The following PPFIBP1 variants were observed in gnomAD, a reference collection of about 807,000 sequenced individuals.
PPFIBP1 encodes the protein liprin-beta-1.
A neutral mutation model predicts 137.8 loss-of-function variants in PPFIBP1; 112 were observed. The ratio of observed to expected loss-of-function variants is 0.81; its 90% CI spans 0.70 to 0.95. The LOEUF (loss-of-function observed/expected upper bound fraction) is 0.95. PPFIBP1 is among the 40% of genes least tolerant of loss of function. The pLI is 0.00. For synonymous variants in PPFIBP1, 378 were observed against 417.3 expected, an observed-to-expected ratio of 0.91 and a Z score of 1.15; for missense variants, 1,083 against 1,196.6, an observed-to-expected ratio of 0.91 and a Z score of 1.40.
At position 27,650,001 on chromosome 12, in the gene PPFIBP1, T is replaced by C. The variant is rs1332608231; in HGVS notation, c.472-9T>C. On this transcript the variant is annotated splice_polypyrimidine_tract_variant and intron_variant, in intron 6 of 29. Coordinates refer to ENST00000228425, the MANE Select transcript of PPFIBP1 (RefSeq NM_003622.4). ...AGACTTCTTGAATGTATCTGTTAAATTATAATAGGAGCTTCTAAGTAGGAC... is the reference window on the plus strand; with the variant it reads ...AGACTTCTTGAATGTATCTGTTAAACTATAATAGGAGCTTCTAAGTAGGAC... The C allele has an allele frequency of 2.5e-6, 4 of 1,595,098 alleles. No individual in the cohort carries two copies. Among genetic ancestry groups the C allele is most frequent in the Non-Finnish European group, 3.4e-6 (4 of 1,167,568 alleles).
chr12:27,658,677 A>C (rs1426614492), intron 9 of PPFIBP1, 139 bp from the exon 10 acceptor site: 2 of 846,948 alleles, frequency 2.4e-6, no homozygotes, highest in Non-Finnish European at 3.8e-6. Flanking sequence ...CTGCAGTCAC[A>C]AAATAGTGCT....
chr12:27,528,459 A>G (rs527412434), intron 1 of PPFIBP1, among the ~76,000 whole-genome samples: 1 of 152,318 alleles, frequency 6.6e-6, no homozygotes, highest in Non-Finnish European at 1.5e-5. Flanking sequence ...TTCCTAGTAA[A>G]AAACAAAACA....
intron 2 of PPFIBP1, among the ~76,000 whole-genome samples, chr12:27,624,370 A>C (rs1188620755): frequency 1.3e-5 from 2 of 152,250 alleles, no homozygotes; most frequent in Non-Finnish European, 2.9e-5. Flanking sequence ...CTTTCTTTCA[A>C]CTTGTCACAA....
chr12:27,687,448 C>T lies in PPFIBP1; in HGVS notation c.2311C>T (p.Gln771Ter). Residue 771 changes from glutamine to a stop codon, truncating the protein, a stop_gained, in exon 25 of 30, where the codon CAG (glutamine) becomes TAG (stop). Coordinates refer to ENST00000228425, the MANE Select transcript of PPFIBP1 (RefSeq NM_003622.4). LOFTEE classifies it high-confidence loss of function. The stretch of plus-strand genomic sequence containing the variant: ...CCATCTCAGTATCAAAAGGGCCATC[C>T]AGGTCCTGAGGATCAATAACTTTGA... Reference protein sequence around the residue: ...LHHLSIKRAIQVLRINNFEPN... With the variant: ...LHHLSIKRAI 22 of 1,614,012 alleles carry T rather than the reference C, an allele frequency of 1.4e-5. No individual in the cohort carries two copies. Among genetic ancestry groups the T allele is most frequent in the Non-Finnish European group, 1.9e-5 (22 of 1,179,910 alleles).
chr12:27,656,468 C>T lies in PPFIBP1; in HGVS notation c.697-148C>T, dbSNP rs112889371. ...GTCTTGCTTTTTGCTTTTCATTGCCCTTGTCTGATTTCTGATGCTTGCATC... is the reference window on the plus strand; with the variant it reads ...GTCTTGCTTTTTGCTTTTCATTGCCTTTGTCTGATTTCTGATGCTTGCATC... On this transcript the variant is annotated intron_variant, in intron 8 of 29. Coordinates refer to ENST00000228425, the MANE Select transcript of PPFIBP1 (RefSeq NM_003622.4). The T allele has an allele frequency of 1.9e-3, 1,172 of 623,206 alleles. 14 individuals are homozygous for T. The highest frequency in any genetic ancestry group is 0.01 in the African/African-American group (551 of 53,346). The allele number at this position is 623,206 out of a possible 1,614,324, so 38.6% of individuals were successfully genotyped here.
chr12:27,557,166 C>T (rs750121821), intron 1 of PPFIBP1, among the ~76,000 whole-genome samples: 5 of 151,136 alleles, frequency 3.3e-5, no homozygotes, highest in African/African-American at 4.9e-5. Context: ...TAGTGAAGAA[C>T]AAGATTTTCT....
intron 1 of PPFIBP1, among the ~76,000 whole-genome samples, chr12:27,564,049 T>C (rs1428749735): frequency 6.6e-6 from 1 of 152,028 alleles, no homozygotes; most frequent in African/African-American, 2.4e-5. Context: ...ATTTTTGTAT[T>C]TTTAGTAGAG....
rs1044296042 is a variant in PPFIBP1, at chr12:27,647,763, G to T, written c.392G>T (p.Gly131Val). ...SVLTDQVEAQ[G>V]EKIRDLEFCL... ...TTAACAGACCAGGTGGAGGCTCAGG[G>T]AGAGAAGATTCGAGATTTGGAGTTT... The change falls in exon 6 of 30, where the codon GGA (glycine) becomes GTA (valine). Residue 131 changes from glycine (G) to valine (V), a missense_variant. By Grantham distance (109) the Gly-to-Val change is moderately radical. Coordinates refer to ENST00000228425, the MANE Select transcript of PPFIBP1 (RefSeq NM_003622.4). 2 of 1,610,654 alleles carry T rather than the reference G, an allele frequency of 1.2e-6. No homozygotes were observed. Among genetic ancestry groups the T allele is most frequent in the Non-Finnish European group, 1.7e-6 (2 of 1,178,644 alleles).
At chr12:27,537,367 G>A (rs1226817846) in intron 1 of PPFIBP1, among the ~76,000 whole-genome samples, 1 of 152,094 alleles carries the variant, frequency 6.6e-6, no homozygotes. Context: ...TCCTGACCTC[G>A]TGATCCGCCG....
chr12:27,616,091 T>C (rs1212259212), intron 2 of PPFIBP1, among the ~76,000 whole-genome samples: 1 of 152,084 alleles, frequency 6.6e-6, no homozygotes, highest in Non-Finnish European at 1.5e-5. Context: ...CTTTTTTCCG[T>C]TCTCAATTCT....
chr12:27,623,114 C>T (rs1321893442), intron 2 of PPFIBP1, among the ~76,000 whole-genome samples: 2 of 151,810 alleles, frequency 1.3e-5, no homozygotes, highest in Non-Finnish European at 2.9e-5. Context: ...GGTTGGTAGG[C>T]CTGTGAAGGA....
At chr12:27,532,917 A>G (rs1454540926) in intron 1 of PPFIBP1, among the ~76,000 whole-genome samples, 3 of 152,236 alleles carry the variant, frequency 2.0e-5, no homozygotes, top group Non-Finnish European at 1.5e-5. Context: ...GACTCTGGAA[A>G]TAGCAGATTG....
intron 18 of PPFIBP1, chr12:27,676,844 C>A (rs2060544260): frequency 1.1e-5 from 8 of 730,482 alleles, no homozygotes; most frequent in Non-Finnish European, 1.9e-5. Flanking sequence ...AATCATGATT[C>A]CCTTTGACTT....
At chr12:27,611,785 GCTCTCTCTCT>G (rs10549025) in intron 2 of PPFIBP1, among the ~76,000 whole-genome samples, 9 of 138,130 alleles carry the variant, frequency 6.5e-5, no homozygotes, top group South Asian at 2.3e-4. Context: ...TCAACACTGT[GCTCTCTCTCT>G]CTCTCTCTCT....
intron 2 of PPFIBP1, among the ~76,000 whole-genome samples, chr12:27,630,762 C>A (rs1198143719): frequency 4.6e-5 from 7 of 152,144 alleles, no homozygotes; most frequent in Non-Finnish European, 8.8e-5. Context: ...TCCTCACCTC[C>A]CTCTCACTCT....
At chr12:27,604,176 G>A (rs377387946) in intron 2 of PPFIBP1, among the ~76,000 whole-genome samples, 21 of 152,300 alleles carry the variant, frequency 1.4e-4, no homozygotes, top group African/African-American at 4.1e-4. Context: ...ACTGACTGGC[G>A]TCCAGCTCCA....
chr12:27,561,706 T>C (rs1768669464), intron 1 of PPFIBP1, among the ~76,000 whole-genome samples: 1 of 152,066 alleles, frequency 6.6e-6, no homozygotes, highest in African/African-American at 2.4e-5. Context: ...TTCGTTTCTG[T>C]AGTTCTCCGA....
intron 24 of PPFIBP1, 64 bp from the exon 25 acceptor site, chr12:27,687,321 C>A: frequency 6.4e-7 from 1 of 1,554,176 alleles, no homozygotes; most frequent in Non-Finnish European, 8.7e-7. Context: ...TTCTGAGATT[C>A]CCTAAGAAAG....
intron 19 of PPFIBP1, 63 bp from the exon 20 acceptor site, chr12:27,679,426 A>G: frequency 1.4e-6 from 2 of 1,473,200 alleles, no homozygotes; most frequent in Non-Finnish European, 1.8e-6. Flanking sequence ...AGAACCAAGA[A>G]GATTAACATC....
Sources: gnomAD v4.1 joint callset for allele counts (sites outside exome capture counted in the v4.1 genomes callset) on GRCh38, gnomAD v4.1.1 for gene constraint, MANE v1.5 for transcripts, NCBI Gene and HGNC (gene_info 2026-07-23, HGNC 2026-07-21) for gene names.